The following ELFN1 variants were observed in gnomAD, a reference collection of about 807,000 sequenced individuals.
ELFN1 encodes protein ELFN1.
In ELFN1, 6 loss-of-function variants were observed where a neutral mutation model predicts 7.6. The ratio of observed to expected loss-of-function variants is 0.79; its 90% CI spans 0.43 to 1.56. ELFN1 has a LOEUF of 1.56. Among genes scored for constraint, ELFN1 ranks in the 40% most tolerant of loss-of-function variants. ELFN1 has a pLI of 0.01. For synonymous variants in ELFN1, 657 were observed against 588.1 expected, an observed-to-expected ratio of 1.12 and a Z score of -1.70; for missense variants, 1,169 against 1,232.2, an observed-to-expected ratio of 0.95 and a Z score of 0.77.
At chr7:1,677,652 C>T (rs901880729) in intron 1 of ELFN1, among the ~76,000 whole-genome samples, 1 of 152,304 alleles carries the variant, frequency 6.6e-6, no homozygotes, top group East Asian at 1.9e-4. Context: ...CTGGCCCCCC[C>T]ACCCCTTTCC....
At position 1,746,248 on chromosome 7, in the gene ELFN1, C is replaced by T. The variant is rs759414426; in HGVS notation, c.1652C>T (p.Ser551Leu). 13 of 1,514,326 alleles carry T rather than the reference C, an allele frequency of 8.6e-6. No individual in the cohort carries two copies. Among genetic ancestry groups the T allele is most frequent in the Non-Finnish European group, 8.0e-6 (9 of 1,127,044 alleles). 93.8% of individuals were successfully genotyped at this position (1,514,326 alleles called of 1,614,324 possible). A position where few individuals can be genotyped will look rare whatever the true frequency, so the allele number is the denominator to read the frequency against. Residue 551 changes from serine (S) to leucine (L), a missense_variant, in exon 4 of 4, where the codon TCG becomes TTG. Physicochemically the swap from Ser to Leu is moderately radical, Grantham distance 145. Around this residue, in one of 2 missense-constraint regions of ELFN1, gnomAD observed 914 missense variants for 872.6 expected, o/e 1.05. Transcript: ENST00000424383. ...LGRPGPDSQS[S>L]VAEISTIAKE... ...CGGCCGGGCCCCGACAGCCAGAGTTCGGTGGCCGAGATCTCCACCATCGCC... is the reference window on the plus strand; with the variant it reads ...CGGCCGGGCCCCGACAGCCAGAGTTTGGTGGCCGAGATCTCCACCATCGCC...
At chr7:1,669,750 C>T (rs1293892374), upstream of ELFN1, among the ~76,000 whole-genome samples, 2 of 152,230 alleles carry the variant, frequency 1.3e-5, no homozygotes, top group African/African-American at 4.8e-5. Flanking sequence ...CCCTAGGTCC[C>T]TGCCCTCCCG....
At chr7:1,679,952 G>A (rs912596921) in intron 1 of ELFN1, among the ~76,000 whole-genome samples, 1 of 152,278 alleles carries the variant, frequency 6.6e-6, no homozygotes, top group African/African-American at 2.4e-5. Context: ...GAGATGGAAC[G>A]GGGAGCAGAA....
chr7:1,678,709 G>A (rs1349696516), intron 1 of ELFN1, among the ~76,000 whole-genome samples: 1 of 152,192 alleles, frequency 6.6e-6, no homozygotes, highest in Non-Finnish European at 1.5e-5. Flanking sequence ...CCCAGCGGTC[G>A]TGGGTGTGGA....
chr7:1,677,391 C>T (rs547912392), intron 1 of ELFN1, among the ~76,000 whole-genome samples: 2 of 152,348 alleles, frequency 1.3e-5, no homozygotes, highest in Non-Finnish European at 2.9e-5. Context: ...AGACGGGATT[C>T]TCAGATCTTC....
chr7:1,681,271 G>T (rs1394548278), intron 1 of ELFN1, among the ~76,000 whole-genome samples: 1 of 152,208 alleles, frequency 6.6e-6, no homozygotes, highest in African/African-American at 2.4e-5. Context: ...TGTGTCCAGC[G>T]TGGGGCCATT....
Position 1,745,791 on chromosome 7 carries a change from TTGCCCCGGCTGCCCAGCCCGCC to T in ELFN1, c.1198_1219del (p.Pro400ValfsTer14). The T allele has an allele frequency of 6.4e-7, 1 of 1,555,958 alleles. No individual in the cohort carries two copies. Among genetic ancestry groups the T allele is most frequent in the Non-Finnish European group, 8.7e-7 (1 of 1,151,096 alleles). ...CAACCACACCTGCCTCACCATCTGC[TTGCCCCGGCTGCCCAGCCCGCC>T]TGGTCCGGTGCCCAGCCCCTCCACG... On this transcript the variant is annotated frameshift_variant, in exon 4 of 4. Transcript: ENST00000424383. LOFTEE classifies it low-confidence loss of function (END_TRUNC).
intron 3 of ELFN1, among the ~76,000 whole-genome samples, chr7:1,741,989 C>T (rs1780632096): frequency 6.6e-6 from 1 of 152,206 alleles, no homozygotes; most frequent in Admixed American, 6.5e-5. Flanking sequence ...GACAACCTGG[C>T]ACACACATAC....
intron 2 of ELFN1, chr7:1,693,584 G>T (rs1037090923): frequency 1.5e-5 from 7 of 471,254 alleles, no homozygotes; most frequent in South Asian, 4.6e-5. Flanking sequence ...GTGCACATCT[G>T]CAGAGGGGTC....
At chr7:1,678,764 G>A (rs1778919844) in intron 1 of ELFN1, among the ~76,000 whole-genome samples, 1 of 152,186 alleles carries the variant, frequency 6.6e-6, no homozygotes, top group Non-Finnish European at 1.5e-5. Flanking sequence ...GCCCACGTGG[G>A]TGCCAGAGCA....
At position 1,735,173 on chromosome 7, in the gene ELFN1, C is replaced by T. The variant is rs1225513510; in HGVS notation, c.-293-9131C>T. ...GAACCCTGGGGAGGGGCTTTGCATGCGGGAGGTGCTGCACACCGGCGGACC... is the reference window on the plus strand; with the variant it reads ...GAACCCTGGGGAGGGGCTTTGCATGTGGGAGGTGCTGCACACCGGCGGACC... On this transcript the variant is annotated intron_variant, in intron 3 of 3. Coordinates refer to ENST00000424383, the MANE Select transcript of ELFN1 (RefSeq NM_001128636.4). This position sits in a 1 kb window ranked among gnomAD's most constrained non-coding sequence, Gnocchi z 5.9. Among the ~76,000 whole-genome samples, 1 of 152,230 alleles carries T rather than the reference C, an allele frequency of 6.6e-6. No homozygotes were observed. The highest frequency in any genetic ancestry group is 2.1e-4 in the South Asian group (1 of 4,818).
At chr7:1,720,118 C>A (rs1032658471) in intron 3 of ELFN1, among the ~76,000 whole-genome samples, 2 of 152,338 alleles carry the variant, frequency 1.3e-5, no homozygotes, top group South Asian at 2.1e-4. Context: ...GTGTCCTTTG[C>A]GAGCCTGATG....
Position 1,740,154 on chromosome 7 carries a change from GCGC to G in ELFN1, c.-293-4148_-293-4146del, listed in dbSNP as rs1780568268. 6.6e-6 allele frequency among the ~76,000 whole-genome samples: 1 copy of G among 152,198 alleles called. No individual in the cohort carries two copies. Among genetic ancestry groups the G allele is most frequent in the African/African-American group, 2.4e-5 (1 of 41,444 alleles). On this transcript the variant is annotated intron_variant, in intron 3 of 3. Transcript: ENST00000424383. This position sits in a 1 kb window ranked among gnomAD's most constrained non-coding sequence, Gnocchi z 5.0. The stretch of plus-strand genomic sequence containing the variant: ...GACCTGAGGGGTGCCCATTCCAGAG[GCGC>G]CACGGCCTCTGTGTCTCCCTGAGGC...
intron 1 of ELFN1, among the ~76,000 whole-genome samples, chr7:1,684,962 T>A (rs1049304079): frequency 2.0e-5 from 3 of 152,238 alleles, no homozygotes; most frequent in African/African-American, 7.2e-5. Flanking sequence ...CATTTCTTTC[T>A]GTGAATTTGA....
intron 1 of ELFN1, among the ~76,000 whole-genome samples, chr7:1,681,692 G>A (rs1275213510): frequency 6.6e-6 from 1 of 152,146 alleles, no homozygotes; most frequent in African/African-American, 2.4e-5. Context: ...TTCCAAACTG[G>A]CCGGACCATG....
chr7:1,666,265 C>T (rs541921704), upstream of ELFN1, among the ~76,000 whole-genome samples: 421 of 151,680 alleles, frequency 2.8e-3, 3 homozygotes, highest in African/African-American at 9.8e-3. The surrounding 1 kb of genome is among the most constrained non-coding windows in gnomAD (Gnocchi z 7.9). Flanking sequence ...CTAGGGGAGG[C>T]AGGGAAGAGG....
chr7:1,716,847 G>A (rs553255992), intron 3 of ELFN1, among the ~76,000 whole-genome samples: 1 of 152,338 alleles, frequency 6.6e-6, no homozygotes, highest in South Asian at 2.1e-4. Flanking sequence ...GGCAGCCATG[G>A]AGGGGGAGGG....
chr7:1,737,841 C>T (rs1478507968), intron 3 of ELFN1, among the ~76,000 whole-genome samples: 3 of 152,186 alleles, frequency 2.0e-5, no homozygotes, highest in African/African-American at 4.8e-5. Context: ...TCCAGGGTCA[C>T]CTGGCCTAAA....
At chr7:1,689,116 C>G (rs2128579254) in intron 2 of ELFN1, among the ~76,000 whole-genome samples, 1 of 152,310 alleles carries the variant, frequency 6.6e-6, no homozygotes, top group East Asian at 1.9e-4. Context: ...TTTGGGATTA[C>G]ATTTGTTTTC....
Sources: gnomAD v4.1 joint callset for allele counts (sites outside exome capture counted in the v4.1 genomes callset) on GRCh38, gnomAD v4.1.1 for gene constraint, gnomAD v4.1.1 regional missense constraint, Gnocchi (gnomAD v3.1) non-coding constraint, MANE v1.5 for transcripts, NCBI Gene and HGNC (gene_info 2026-07-23, HGNC 2026-07-21) for gene names.